SLC35D1: variants seen among roughly 807,000 people sequenced by gnomAD.
SLC35D1 encodes solute carrier family 35 member D1.
A neutral mutation model predicts 46.7 loss-of-function variants in SLC35D1; 31 were observed. The observed-to-expected ratio is 0.66, with a 90% CI of 0.50 to 0.90. SLC35D1 has a LOEUF of 0.90. SLC35D1 is among the 40% of genes least tolerant of loss of function. The probability of loss-of-function intolerance (pLI) is 0.00; values close to 1 mark genes in which losing one functional copy is unlikely to be tolerated. For synonymous variants in SLC35D1, 195 were observed against 164.6 expected (o/e 1.18, Z -1.41); for missense variants, 397 against 426.2 (o/e 0.93, Z 0.60).
the SLC35D1 span, among the ~76,000 whole-genome samples, chr1:66,975,293 G>A: frequency 6.6e-6 from 1 of 152,314 alleles, no homozygotes; most frequent in East Asian, 1.9e-4. Flanking sequence ...TTGGGAGGTT[G>A]AAGCATGCAG....
downstream of SLC35D1, among the ~76,000 whole-genome samples, chr1:66,994,770 A>C (rs549496472): frequency 1.7e-4 from 26 of 152,246 alleles, no homozygotes; most frequent in East Asian, 2.1e-3. Flanking sequence ...ATGTTCTGGA[A>C]ACTATCAGGA....
intron 7 of SLC35D1, among the ~76,000 whole-genome samples, chr1:67,042,735 G>A (rs1645205609): frequency 6.6e-6 from 1 of 152,124 alleles, no homozygotes; most frequent in East Asian, 1.9e-4. Flanking sequence ...AGTATGTCTT[G>A]GGCTTTTCAG....
the SLC35D1 span, chr1:66,986,167 A>G: frequency 2.7e-4 from 333 of 1,214,884 alleles, 1 homozygote; most frequent in African/African-American, 4.7e-3. Context: ...AAACTTTTCT[A>G]GTTACAATCC....
rs745328042 is a variant in SLC35D1, at chr1:67,053,954, G to T, written c.60C>A (p.Ser20=). The T allele has an allele frequency of 1.2e-6, 2 of 1,613,668 alleles. No individual in the cohort carries two copies. Among genetic ancestry groups the T allele is most frequent in the Non-Finnish European group, 1.7e-6 (2 of 1,179,668 alleles). The change falls in exon 1 of 12, where the codon TCC becomes TCA. Residue 20 remains serine, a synonymous_variant. Coordinates refer to ENST00000235345, the MANE Select transcript of SLC35D1 (RefSeq NM_015139.3). ...GCTCCTCCTCATCTCGGAGTGTGGA[G>T]GATTTCGCGGGGGCTTCTCCTTTAA... ...ARVKGEAPAK[S]STLRDEEELG... is the part of the protein sequence containing the mutation.
At position 67,000,429 on chromosome 1, in the gene SLC35D1, C is replaced by T. The variant is rs780672237; in HGVS notation, c.*3911G>A. The T allele has an allele frequency of 2.0e-5, 3 of 151,570 alleles. No individual in the cohort carries two copies. The highest frequency in any genetic ancestry group is 4.4e-5 in the Non-Finnish European group (3 of 67,960). The allele number at this position is 151,570 out of a possible 1,614,324, so 9.4% of individuals were successfully genotyped here. On this transcript the variant is annotated 3_prime_UTR_variant, in exon 12 of 12. Coordinates refer to ENST00000235345, the MANE Select transcript of SLC35D1 (RefSeq NM_015139.3). ...AGAATCACCTGCATCATGTAATGGCCGTAATTGTGTCCAGCAGATATTTTT... is the reference window on the plus strand; with the variant it reads ...AGAATCACCTGCATCATGTAATGGCTGTAATTGTGTCCAGCAGATATTTTT...
intron 8 of SLC35D1, among the ~76,000 whole-genome samples, chr1:67,023,138 C>T (rs56774527): frequency 6.6e-6 from 1 of 152,002 alleles, no homozygotes; most frequent in Non-Finnish European, 1.5e-5. Flanking sequence ...TTGAACCTTC[C>T]GTTACAAGTC....
chr1:67,041,571 A>ATT (rs1036205011), intron 8 of SLC35D1, among the ~76,000 whole-genome samples: 5 of 152,218 alleles, frequency 3.3e-5, no homozygotes, highest in Admixed American at 1.3e-4. Context: ...CTGGATTTCC[A>ATT]TTTAGTTTGC....
chr1:66,981,712 A>C, the SLC35D1 span: 3 of 1,316,432 alleles, frequency 2.3e-6, no homozygotes, highest in Non-Finnish European at 3.2e-6. Flanking sequence ...AGCCTTCTGA[A>C]TTTAACCTCA....
At chr1:66,995,480 A>G (rs991972986), downstream of SLC35D1, among the ~76,000 whole-genome samples, 1 of 113,026 alleles carries the variant, frequency 8.8e-6, no homozygotes, top group Non-Finnish European at 1.7e-5. Flanking sequence ...AAAAAAAAAA[A>G]AACAGACCAA....
intron 8 of SLC35D1, among the ~76,000 whole-genome samples, chr1:67,026,672 T>A (rs1667920285): frequency 6.6e-6 from 1 of 152,214 alleles, no homozygotes; most frequent in African/African-American, 2.4e-5. Flanking sequence ...TTAAGGCTTA[T>A]GATTAATTTC....
the SLC35D1 span, among the ~76,000 whole-genome samples, chr1:66,990,407 C>T: frequency 6.6e-6 from 1 of 152,142 alleles, no homozygotes; most frequent in African/African-American, 2.4e-5. Flanking sequence ...TCCCAAGTGG[C>T]TGGGACAGGT....
rs111312550 is a variant in SLC35D1 at position 67,040,212 on chromosome 1, G to T, written c.729+2024C>A. Among the ~76,000 whole-genome samples the T allele has an allele frequency of 3.7e-3, 560 of 152,144 alleles. 5 individuals are homozygous for T. Among genetic ancestry groups the T allele is most frequent in the African/African-American group, 0.011 (476 of 41,498 alleles). On this transcript the variant is annotated intron_variant, in intron 8 of 11. Coordinates refer to ENST00000235345, the MANE Select transcript of SLC35D1 (RefSeq NM_015139.3). Reference sequence around the variant, plus strand: ...GAGTTTTGCCATGTTGCCCAGGCTGGTCTTGAATTCCTAGGCTCAAGCAAT... The same window carrying T: ...GAGTTTTGCCATGTTGCCCAGGCTGTTCTTGAATTCCTAGGCTCAAGCAAT...
the SLC35D1 span, among the ~76,000 whole-genome samples, chr1:66,977,151 C>T: frequency 4.0e-5 from 6 of 151,814 alleles, no homozygotes; most frequent in East Asian, 1.2e-3. Context: ...AATCTGTTGC[C>T]CAGGCTGGAA....
At chr1:67,046,354 T>C in intron 7 of SLC35D1, among the ~76,000 whole-genome samples, 1 of 152,146 alleles carries the variant, frequency 6.6e-6, no homozygotes, top group East Asian at 1.9e-4. Context: ...ACTTAAGTAG[T>C]TTCAGAAACA....
At chr1:67,040,761 C>G (rs997671002) in intron 8 of SLC35D1, among the ~76,000 whole-genome samples, 1 of 152,230 alleles carries the variant, frequency 6.6e-6, no homozygotes, top group Non-Finnish European at 1.5e-5. Context: ...AAGGGCCATA[C>G]AAATTGCTCT....
chr1:66,981,823 C>G, the SLC35D1 span: 1 of 1,613,958 alleles, frequency 6.2e-7, no homozygotes, highest in South Asian at 1.1e-5. Flanking sequence ...AGTGCTGCAT[C>G]TAGTCGAGCA....
At chr1:66,983,395 A>G in the SLC35D1 span, among the ~76,000 whole-genome samples, 4 of 152,360 alleles carry the variant, frequency 2.6e-5, no homozygotes, top group East Asian at 7.7e-4. Flanking sequence ...TTCTATCAGA[A>G]TACAGTATTT....
chr1:67,018,936 A>G (rs777623609), intron 10 of SLC35D1, among the ~76,000 whole-genome samples: 10 of 152,238 alleles, frequency 6.6e-5, no homozygotes, highest in Non-Finnish European at 8.8e-5. Context: ...CAAGAACAGT[A>G]GTGAACTAAT....
At chr1:67,007,281 T>C (rs1385169532) in intron 11 of SLC35D1, among the ~76,000 whole-genome samples, 1 of 152,226 alleles carries the variant, frequency 6.6e-6, no homozygotes, top group African/African-American at 2.4e-5. Context: ...GTTCAATGTC[T>C]AGAGAGGGCT....
Sources: gnomAD v4.1 joint callset for allele counts (sites outside exome capture counted in the v4.1 genomes callset) on GRCh38, gnomAD v4.1.1 for gene constraint, MANE v1.5 for transcripts, NCBI Gene and HGNC (gene_info 2026-07-23, HGNC 2026-07-21) for gene names.